Variants in SGCD observed in about 807,000 individuals in gnomAD.
SGCD encodes sarcoglycan delta.
In SGCD, 18 loss-of-function variants were observed where a neutral mutation model predicts 36.6. The observed-to-expected ratio is 0.49, with a 90% CI of 0.34 to 0.73. SGCD has a LOEUF of 0.73. Among genes scored for constraint, SGCD ranks in the 30% least tolerant of loss-of-function variants. The probability of loss-of-function intolerance (pLI) is 0.01; values close to 1 mark genes in which losing one functional copy is unlikely to be tolerated. For synonymous variants in SGCD, 133 were observed against 130.6 expected (o/e 1.02, Z -0.12); for missense variants, 387 against 346.7 (o/e 1.12, Z -0.92).
intron 3 of SGCD, among the ~76,000 whole-genome samples, chr5:156,207,282 A>G (rs756669754): frequency 6.6e-6 from 1 of 152,152 alleles, no homozygotes; most frequent in Non-Finnish European, 1.5e-5. Context: ...TTGTAATAGG[A>G]AAAAATTCAG....
At chr5:156,560,282 G>C (rs1036258744) in intron 4 of SGCD, among the ~76,000 whole-genome samples, 1 of 152,056 alleles carries the variant, frequency 6.6e-6, no homozygotes, top group East Asian at 1.9e-4. Flanking sequence ...GCACCCTCCC[G>C]CAAGTTCTCA....
At chr5:156,374,684 C>T (rs1324833104) in intron 3 of SGCD, among the ~76,000 whole-genome samples, 7 of 119,448 alleles carry the variant, frequency 5.9e-5, no homozygotes, top group Non-Finnish European at 1.1e-4. Flanking sequence ...TTTTTTGAGA[C>T]GGAGTCTTGC....
chr5:156,190,686 G>A (rs1763869206), intron 3 of SGCD, among the ~76,000 whole-genome samples: 2 of 152,068 alleles, frequency 1.3e-5, no homozygotes. Context: ...TACTAAGTAA[G>A]TTGTATATTA....
At chr5:156,335,745 T>C (rs1287498848) in intron 2 of SGCD, among the ~76,000 whole-genome samples, 1 of 152,012 alleles carries the variant, frequency 6.6e-6, no homozygotes, top group African/African-American at 2.4e-5. Context: ...AACCTTGGGG[T>C]TCTCCTTGAC....
chr5:156,148,968 G>A (rs76387127), intron 3 of SGCD, among the ~76,000 whole-genome samples: 5,472 of 152,270 alleles, frequency 0.036, 349 homozygotes, highest in African/African-American at 0.12. Context: ...TGGGGTCTAA[G>A]AAGCCAAGGC....
chr5:156,438,876 A>G (rs758189896), intron 3 of SGCD, among the ~76,000 whole-genome samples: 7 of 152,156 alleles, frequency 4.6e-5, no homozygotes. Flanking sequence ...TAAGGTGGTA[A>G]AGGCTGTTTA....
intron 4 of SGCD, among the ~76,000 whole-genome samples, chr5:156,574,051 C>T (rs1045578247): frequency 6.6e-6 from 1 of 152,136 alleles, no homozygotes; most frequent in African/African-American, 2.4e-5. Flanking sequence ...ACCCTTTACT[C>T]GGCACTATGC....
At chr5:156,616,008 A>G (rs1473334140) in intron 6 of SGCD, among the ~76,000 whole-genome samples, 1 of 152,202 alleles carries the variant, frequency 6.6e-6, no homozygotes, top group African/African-American at 2.4e-5. Context: ...TCAAAGGGAG[A>G]GGCAAGGAAA....
intron 1 of SGCD, among the ~76,000 whole-genome samples, chr5:155,986,845 T>C (rs1156433843): frequency 2.6e-5 from 4 of 152,146 alleles, no homozygotes; most frequent in South Asian, 2.1e-4. Context: ...GTAACAACTA[T>C]CTGTTGAGCA....
chr5:156,745,903 C>G (rs1756919167), intron 7 of SGCD, among the ~76,000 whole-genome samples: 1 of 151,690 alleles, frequency 6.6e-6, no homozygotes, highest in African/African-American at 2.4e-5. Flanking sequence ...GTAAGAACAT[C>G]TAATCCAAAT....
intron 3 of SGCD, among the ~76,000 whole-genome samples, chr5:156,319,533 G>A (rs745763922): frequency 4.6e-5 from 7 of 152,198 alleles, no homozygotes; most frequent in Non-Finnish European, 8.8e-5. Context: ...GAAGAAGTAA[G>A]GAGAGAAGTA....
chr5:156,241,560 C>T (rs1765308842), intron 3 of SGCD, among the ~76,000 whole-genome samples: 1 of 152,254 alleles, frequency 6.6e-6, no homozygotes, highest in Middle Eastern at 3.4e-3. Flanking sequence ...CTGCTCCATC[C>T]AGTTTTTCCT....
At position 156,444,103 on chromosome 5, in the gene SGCD, TCTCTCTCTCTCTCC is replaced by T. The variant is rs1225105631; in HGVS notation, c.193-64496_193-64483del. Among the ~76,000 whole-genome samples the T allele has an allele frequency of 9.4e-4, 101 of 107,914 alleles. 1 individual carries two copies. Among genetic ancestry groups the T allele is most frequent in the African/African-American group, 5.0e-3 (98 of 19,776 alleles). 70.8% of individuals were successfully genotyped at this position (107,914 alleles called of 152,430 possible). ...CTCTCTCTCTCTCTCTCTCTCTCTC[TCTCTCTCTCTCTCC>T]CCTTCCCTCTCTCTCTCTCTCCTTC... On this transcript the variant is annotated intron_variant, in intron 3 of 8. Transcript: ENST00000337851.
intron 3 of SGCD, among the ~76,000 whole-genome samples, chr5:156,137,024 G>A (rs1318779702): frequency 6.6e-6 from 1 of 152,182 alleles, no homozygotes; most frequent in Non-Finnish European, 1.5e-5. Flanking sequence ...AAAGTTGAAT[G>A]TTGGCCTGTG....
chr5:156,102,782 T>A (rs539369789), intron 1 of SGCD, among the ~76,000 whole-genome samples: 1 of 152,352 alleles, frequency 6.6e-6, no homozygotes, highest in South Asian at 2.1e-4. Flanking sequence ...AGTAGCATTT[T>A]ATTTTGAAAT....
intron 5 of SGCD, among the ~76,000 whole-genome samples, chr5:156,594,313 T>C (rs973582059): frequency 6.6e-6 from 1 of 152,212 alleles, no homozygotes; most frequent in Admixed American, 6.5e-5. Flanking sequence ...TCTGTTGTCA[T>C]CTGATAAACT....
chr5:156,471,286 G>A (rs1409105460), intron 3 of SGCD, among the ~76,000 whole-genome samples: 1 of 152,094 alleles, frequency 6.6e-6, no homozygotes, highest in Non-Finnish European at 1.5e-5. Flanking sequence ...ACAGGCTTAA[G>A]AAAATGACAC....
chr5:156,101,943 A>T (rs59525709), intron 1 of SGCD, among the ~76,000 whole-genome samples: 38,813 of 106,452 alleles, frequency 0.36, 5,693 homozygotes, highest in African/African-American at 0.44. Flanking sequence ...TGTGTGTGTG[A>T]GAGAGAGAGA....
intron 1 of SGCD, among the ~76,000 whole-genome samples, chr5:156,035,436 T>C (rs1404807489): frequency 6.6e-6 from 1 of 151,990 alleles, no homozygotes; most frequent in African/African-American, 2.4e-5. Flanking sequence ...CGAAACCCTG[T>C]CTCTACAAAA....
Sources: gnomAD v4.1 joint callset for allele counts (sites outside exome capture counted in the v4.1 genomes callset) on GRCh38, gnomAD v4.1.1 for gene constraint, MANE v1.5 for transcripts, NCBI Gene and HGNC (gene_info 2026-07-23, HGNC 2026-07-21) for gene names.